The following ANKRD30B variants were observed in gnomAD, a reference collection of about 807,000 sequenced individuals.
The protein encoded by ANKRD30B is ankyrin repeat domain-containing protein 30B.
ANKRD30B carries 144 observed loss-of-function variants against 202.2 expected under a neutral mutation model. The observed-to-expected ratio is 0.71, with a 90% confidence interval of 0.62 to 0.82. The LOEUF is 0.82. ANKRD30B is among the 40% of genes least tolerant of loss of function. ANKRD30B has a pLI of 0.00. For missense variants in ANKRD30B, 1,487 were observed against 1,669.1 expected, an observed-to-expected ratio of 0.89 and a Z score of 1.90; for synonymous variants, 508 against 561.3, an observed-to-expected ratio of 0.91 and a Z score of 1.34.
At chr18:14,935,596 T>A in the ANKRD30B span, among the ~76,000 whole-genome samples, 16 of 152,208 alleles carry the variant, frequency 1.1e-4, no homozygotes, top group Admixed American at 1.0e-3. Context: ...ATTTTTCTTC[T>A]TGCAAATGTG....
intron 1 of ANKRD30B, among the ~76,000 whole-genome samples, chr18:14,749,442 C>T (rs1215898787): frequency 2.0e-5 from 3 of 151,924 alleles, no homozygotes; most frequent in Non-Finnish European, 4.4e-5. Context: ...GCGGCCGAGG[C>T]GGGTGGATCA....
At chr18:14,896,421 G>A in the ANKRD30B span, among the ~76,000 whole-genome samples, 63,115 of 151,830 alleles carry the variant, frequency 0.42, 14,080 homozygotes, top group East Asian at 0.59. Flanking sequence ...GTGAGCCACC[G>A]CGCCCGGCCT....
chr18:14,920,852 G>A, the ANKRD30B span, among the ~76,000 whole-genome samples: 1 of 152,198 alleles, frequency 6.6e-6, no homozygotes, highest in Admixed American at 6.5e-5. Context: ...TAATTGACAA[G>A]TTACCAAGTG....
chr18:14,881,817 CTGATT>C, the ANKRD30B span, among the ~76,000 whole-genome samples: 11 of 151,806 alleles, frequency 7.2e-5, no homozygotes, highest in Non-Finnish European at 1.5e-4. Context: ...CTAATTCTTC[CTGATT>C]TAAGTTAGGA....
At chr18:14,838,892 G>A (rs1366370657) in intron 36 of ANKRD30B, among the ~76,000 whole-genome samples, 3 of 152,222 alleles carry the variant, frequency 2.0e-5, no homozygotes, top group African/African-American at 4.8e-5. Flanking sequence ...GTATACAAAT[G>A]TAAGACAAAA....
chr18:14,798,102 G>A (rs1208995898), intron 20 of ANKRD30B, among the ~76,000 whole-genome samples: 2 of 152,156 alleles, frequency 1.3e-5, no homozygotes, highest in Non-Finnish European at 2.9e-5. Flanking sequence ...ACGGGGCCTT[G>A]TCTTTGTTCC....
chr18:14,757,721 A>T, intron 4 of ANKRD30B, 94 bp from the exon 5 acceptor site: 1 of 1,337,018 alleles, frequency 7.5e-7, no homozygotes. Flanking sequence ...CAAGATACTT[A>T]TGTTTGTTAG....
At chr18:14,887,219 G>A in the ANKRD30B span, among the ~76,000 whole-genome samples, 13 of 152,110 alleles carry the variant, frequency 8.5e-5, no homozygotes, top group Middle Eastern at 6.8e-3. Flanking sequence ...TTATCTGTAG[G>A]CTGACCTCAA....
the ANKRD30B span, among the ~76,000 whole-genome samples, chr18:14,932,929 GT>G: frequency 6.6e-6 from 1 of 152,072 alleles, no homozygotes; most frequent in Admixed American, 6.5e-5. Flanking sequence ...AACCAACAGT[GT>G]TTTTTGGAGG....
chr18:14,814,486 A>T, intron 29 of ANKRD30B, 135 bp from the exon 30 acceptor site: 1 of 359,496 alleles, frequency 2.8e-6, no homozygotes, highest in South Asian at 2.1e-5. Context: ...GTTTCAACAC[A>T]TGTCTGCTCT....
the ANKRD30B span, among the ~76,000 whole-genome samples, chr18:14,930,142 A>G: frequency 3.3e-5 from 5 of 152,152 alleles, no homozygotes; most frequent in African/African-American, 1.2e-4. Context: ...AATAGGGGGA[A>G]GAAGCAGGAC....
the ANKRD30B span, among the ~76,000 whole-genome samples, chr18:14,932,131 T>A: frequency 2.0e-5 from 3 of 147,670 alleles, no homozygotes; most frequent in East Asian, 4.2e-4. Flanking sequence ...CTGATAGAAT[T>A]CAGGCCCAGG....
the ANKRD30B span, among the ~76,000 whole-genome samples, chr18:14,875,448 A>G: frequency 6.6e-6 from 1 of 152,118 alleles, no homozygotes; most frequent in Admixed American, 6.5e-5. Flanking sequence ...GGGCTTTCCC[A>G]TAGGAAGGTT....
In ANKRD30B at chr18:14,757,906, C is replaced by A. The variant is rs1457720501; in HGVS notation, c.709C>A (p.His237Asn). The A allele has an allele frequency of 1.9e-6, 3 of 1,610,700 alleles. No individual in the cohort carries two copies. Among genetic ancestry groups the A allele is most frequent in the Admixed American group, 1.7e-5 (1 of 59,410 alleles). Reference sequence around the variant, plus strand: ...TGTTGACGTCTTTGCTGAAGACATACATGGAATAACTGCAGAACGTTATGC... The same window carrying A: ...TGTTGACGTCTTTGCTGAAGACATAAATGGAATAACTGCAGAACGTTATGC... ...QNVDVFAEDIHGITAERYAAA... is the reference protein window; with the variant it reads ...QNVDVFAEDINGITAERYAAA... Residue 237 changes from histidine to asparagine, a missense_variant, in exon 5 of 44, where the codon CAT becomes AAT. Around this residue, in one of 6 missense-constraint regions of ANKRD30B, gnomAD observed 889 missense variants for 841.4 expected, o/e 1.06. Transcript: ENST00000690538.
intron 1 of ANKRD30B, among the ~76,000 whole-genome samples, chr18:14,751,055 TA>T (rs1053279550): frequency 5.0e-4 from 76 of 151,788 alleles, no homozygotes; most frequent in African/African-American, 1.7e-3. Flanking sequence ...TTCTATATTT[TA>T]TTTTTTTGTG....
chr18:14,756,252 T>C (rs1162904256), intron 4 of ANKRD30B, among the ~76,000 whole-genome samples: 3 of 152,308 alleles, frequency 2.0e-5, no homozygotes, highest in East Asian at 3.9e-4. Flanking sequence ...GATGGGGTTG[T>C]TTGTTTTTTT....
rs1208824758 is a variant in ANKRD30B at position 14,791,006 on chromosome 18, A to G, written c.1735-395A>G. On this transcript the variant is annotated intron_variant, in intron 15 of 43. Coordinates refer to ENST00000690538, the MANE Select transcript of ANKRD30B (RefSeq NM_001367607.2). The stretch of plus-strand genomic sequence containing the variant: ...TATACCTCTGGAAGAATTCGGCTGT[A>G]AATCCATCTGGTCCTGGACTCTTTT... Among the ~76,000 whole-genome samples the G allele has an allele frequency of 6.6e-5, 10 of 152,280 alleles. No homozygotes were observed. In the East Asian group the frequency reaches 9.7e-4, roughly 15 times the overall value.
Position 14,849,207 on chromosome 18 carries a change from T to G in ANKRD30B, c.3395+278T>G, listed in dbSNP as rs9948911. On this transcript the variant is annotated intron_variant, in intron 40 of 43. Transcript: ENST00000690538. ...CAAATTAATTTTTTTGATTTTTAAT[T>G]TTTTGTATTATAAATGCTACAAGAC... 1.4e-3 allele frequency among the ~76,000 whole-genome samples: 214 copies of G among 152,080 alleles called. 2 individuals are homozygous for G. The highest frequency in any genetic ancestry group is 5.0e-3 in the African/African-American group (208 of 41,574).
At chr18:14,756,406 T>G (rs1914371147) in intron 4 of ANKRD30B, among the ~76,000 whole-genome samples, 2 of 152,328 alleles carry the variant, frequency 1.3e-5, no homozygotes, top group South Asian at 4.1e-4. Flanking sequence ...CTCTTTAGTT[T>G]AATTAGATCC....
Sources: gnomAD v4.1 joint callset for allele counts (sites outside exome capture counted in the v4.1 genomes callset) on GRCh38, gnomAD v4.1.1 for gene constraint, gnomAD v4.1.1 regional missense constraint, MANE v1.5 for transcripts, NCBI Gene and HGNC (gene_info 2026-07-23, HGNC 2026-07-21) for gene names.